CILP2: variants seen among roughly 807,000 people sequenced by gnomAD.
CILP2 encodes the protein CILP-2.
Under a neutral mutation model 45.6 loss-of-function variants are expected in CILP2, and 38 were observed. That is an observed-to-expected ratio of 0.83 (90% CI 0.64 to 1.09). The LOEUF (loss-of-function observed/expected upper bound fraction) is 1.09. CILP2 is among the 50% of genes least tolerant of loss of function. CILP2 has a pLI of 0.00. For missense variants in CILP2, 1,735 were observed against 1,662.2 expected (o/e 1.04, Z -0.76); for synonymous variants, 780 against 723.5 (o/e 1.08, Z -1.25).
In CILP2 at chr19:19,541,146, A is replaced by G. The variant is rs1164612458; in HGVS notation, c.492A>G (p.Pro164=). 7.9e-7 allele frequency: 1 copy of G among 1,260,658 alleles called. No homozygotes were observed. The highest frequency in any genetic ancestry group is 3.0e-5 in the East Asian group (1 of 32,814). The allele number at this position is 1,260,658 out of a possible 1,614,324, so 78.1% of individuals were successfully genotyped here. The change falls in exon 4 of 8, where the codon CCA becomes CCG. Residue 164 remains proline (P), a synonymous_variant. Transcript: ENST00000291495. The stretch of plus-strand genomic sequence containing the variant: ...GTCCCTGCTCGGGGAGCTGTGGGCC[A>G]GGCCGTCGCTTGCGCCGCCGCCACT... The part of the protein sequence containing the change: ...PWGPCSGSCG[P]GRRLRRRHCP...
chr19:19,545,752 A>C lies in CILP2; in HGVS notation c.3207A>C (p.Pro1069=). Residue 1069 remains proline (P), a synonymous_variant, in exon 8 of 8, where the codon CCA becomes CCC. Transcript: ENST00000291495. ...YGVYTVTDQS[P]RLAKEIAIGR... is the part of the protein sequence containing the mutation. ...TCTACACTGTCACTGACCAGAGCCC[A>C]CGCTTGGCCAAGGAGATCGCCATTG... 6.2e-7 allele frequency: 1 copy of C among 1,611,962 alleles called. No homozygotes were observed. The highest frequency in any genetic ancestry group is 8.5e-7 in the Non-Finnish European group (1 of 1,178,954).
At position 19,544,329 on chromosome 19, in the gene CILP2, A is replaced by T; in HGVS notation, c.1784A>T (p.Asp595Val). Residue 595 changes from aspartate to valine, a missense_variant, in exon 8 of 8, where the codon GAC becomes GTC. By Grantham distance (152) the Asp-to-Val change is radical (BLOSUM62 -3). Coordinates refer to ENST00000291495, the MANE Select transcript of CILP2 (RefSeq NM_153221.2). Reference sequence around the variant, plus strand: ...CCTTCTGGCGCTTTCCGCAGAGCCGACGGCAAACCCTACTCGGGGCCTGTG... The same window carrying T: ...CCTTCTGGCGCTTTCCGCAGAGCCGTCGGCAAACCCTACTCGGGGCCTGTG... ...VLPSGAFRRA[D>V]GKPYSGPVEA... is the part of the protein sequence containing the mutation. 1 of 1,612,024 alleles carries T rather than the reference A, an allele frequency of 6.2e-7. No homozygotes were observed. The highest frequency in any genetic ancestry group is 2.2e-5 in the East Asian group (1 of 44,842).
Position 19,542,303 on chromosome 19 carries a change from TTGAA to T in CILP2, c.593-69_593-66del. ...CCAGGCATATTTGTTGAGTGACTGATTGAATGGAAAGCCCTCCTCAGGAGGGAGT... is the reference window on the plus strand; with the variant it reads ...CCAGGCATATTTGTTGAGTGACTGATTGGAAAGCCCTCCTCAGGAGGGAGT... On this transcript the variant is annotated intron_variant, in intron 4 of 7. Coordinates refer to ENST00000291495, the MANE Select transcript of CILP2 (RefSeq NM_153221.2). 3 of 1,517,792 alleles carry T rather than the reference TTGAA, an allele frequency of 2.0e-6. 1 individual carries two copies. In the South Asian group the frequency reaches 3.8e-5, roughly 19 times the overall value. 94.0% of individuals were successfully genotyped at this position (1,517,792 alleles called of 1,614,324 possible).
At position 19,540,704 on chromosome 19, in the gene CILP2, C is replaced by G. The variant is rs952992412; in HGVS notation, c.436+228C>G. 1.7e-5 allele frequency: 9 copies of G among 530,238 alleles called. No homozygotes were observed. In the African/African-American group the frequency reaches 1.8e-4, roughly 11 times the overall value. The allele number at this position is 530,238 out of a possible 1,614,324, so 32.8% of individuals were successfully genotyped here. On this transcript the variant is annotated intron_variant, in intron 3 of 7. Coordinates refer to ENST00000291495, the MANE Select transcript of CILP2 (RefSeq NM_153221.2). ...GGAACAGCGCGGGGCCCAAGTGCAC[C>G]GTCAGGAGGCCCAGCGGGTCAGGAC...
Position 19,543,852 on chromosome 19 carries a change from G to A in CILP2, c.1307G>A (p.Arg436His), listed in dbSNP as rs1377508399. The A allele has an allele frequency of 6.2e-7, 1 of 1,613,860 alleles. No homozygotes were observed. Among genetic ancestry groups the A allele is most frequent in the Non-Finnish European group, 8.5e-7 (1 of 1,179,874 alleles). ...SSPRCGDASSRCCSVRRLERR... is the reference protein window; with the variant it reads ...SSPRCGDASSHCCSVRRLERR... ...CCCCGCTGCGGGGACGCCAGCTCCC[G>A]CTGCTGCTCTGTGCGCCGTCTGGAG... The change falls in exon 8 of 8, where the codon CGC (arginine) becomes CAC (histidine). Residue 436 changes from arginine (R) to histidine (H), a missense_variant. Physicochemically the swap from Arg to His is conservative, Grantham distance 29. Coordinates refer to ENST00000291495, the MANE Select transcript of CILP2 (RefSeq NM_153221.2).
chr19:19,545,974 C>T lies in CILP2; in HGVS notation c.3429C>T (p.Ala1143=). Residue 1143 remains alanine, a synonymous_variant, in exon 8 of 8, where the codon GCC becomes GCT. Transcript: ENST00000291495. ...MSEAAQAQAR[A]SGPLRTRRGR... Reference sequence around the variant, plus strand: ...AGGCGGCGCAGGCACAGGCCCGGGCCTCAGGTCCCCTCCGCACCCGCCGGG... The same window carrying T: ...AGGCGGCGCAGGCACAGGCCCGGGCTTCAGGTCCCCTCCGCACCCGCCGGG... 3.3e-6 allele frequency: 5 copies of T among 1,526,746 alleles called. No homozygotes were observed. The highest frequency in any genetic ancestry group is 4.4e-6 in the Non-Finnish European group (5 of 1,135,160). The allele number at this position is 1,526,746 out of a possible 1,614,324, so 94.6% of individuals were successfully genotyped here.
chr19:19,544,911 A>T lies in CILP2; in HGVS notation c.2366A>T (p.Asn789Ile), dbSNP rs369553520. The T allele has an allele frequency of 5.7e-6, 9 of 1,589,604 alleles. No individual in the cohort carries two copies. The highest frequency in any genetic ancestry group is 7.7e-6 in the Non-Finnish European group (9 of 1,175,614). Residue 789 changes from asparagine to isoleucine, a missense_variant, in exon 8 of 8, where the codon AAT becomes ATT. Transcript: ENST00000291495. ...GRFDSAVTGPNGACLPAFCDA... is the reference protein window; with the variant it reads ...GRFDSAVTGPIGACLPAFCDA... ...TTTGACAGCGCGGTCACCGGCCCCAATGGCGCCTGCCTCCCCGCCTTCTGC... is the reference window on the plus strand; with the variant it reads ...TTTGACAGCGCGGTCACCGGCCCCATTGGCGCCTGCCTCCCCGCCTTCTGC...
intron 2 of CILP2, 115 bp downstream of exon 2, chr19:19,539,892 T>C: frequency 2.3e-6 from 2 of 854,656 alleles, no homozygotes; most frequent in Non-Finnish European, 3.4e-6. Flanking sequence ...CCCGGCGCCG[T>C]CCTGGTCCCC....
chr19:19,540,151 G>A (rs2061238100), intron 2 of CILP2, 53 bp from the exon 3 acceptor site: 1 of 1,485,104 alleles, frequency 6.7e-7, no homozygotes. Flanking sequence ...TTGCACGCAT[G>A]CATGGGGGCC....
chr19:19,544,770 G>A lies in CILP2; in HGVS notation c.2225G>A (p.Arg742His), dbSNP rs774681895. ...PERRRCFVKVRAYANDKFTPS... is the reference protein window; with the variant it reads ...PERRRCFVKVHAYANDKFTPS... ...CGCCGCCGCTGCTTCGTGAAGGTGC[G>A]CGCCTACGCCAACGACAAGTTCACC... Residue 742 changes from arginine (R) to histidine (H), a missense_variant, in exon 8 of 8, where the codon CGC becomes CAC. By Grantham distance (29) the Arg-to-His change is conservative. Transcript: ENST00000291495. 2.5e-6 allele frequency: 4 copies of A among 1,606,934 alleles called. No homozygotes were observed. Among genetic ancestry groups the A allele is most frequent in the East Asian group, 2.2e-5 (1 of 44,870 alleles).
At chr19:19,540,784 T>G in intron 3 of CILP2, 1 of 449,768 alleles carries the variant, frequency 2.2e-6, no homozygotes, top group South Asian at 5.6e-5. Context: ...TTTGAGCATC[T>G]GTAAGAGCTC....
Position 19,543,959 on chromosome 19 carries a change from CG to C in CILP2, c.1419del (p.Leu474TrpfsTer49). On this transcript the variant is annotated frameshift_variant, in exon 8 of 8. Transcript: ENST00000291495. LOFTEE classifies it low-confidence loss of function (END_TRUNC). ...ECGCQKCLPP[R>X]GLVRGRVVAA... ...TGGCTGCCAGAAGTGTCTGCCCCCT[CG>C]GGGGCTGGTCCGGGGCCGTGTTGTG... is the stretch of plus-strand genomic sequence containing the variant. The C allele has an allele frequency of 6.2e-7, 1 of 1,613,388 alleles. No homozygotes were observed. The highest frequency in any genetic ancestry group is 8.5e-7 in the Non-Finnish European group (1 of 1,179,674).
intron 3 of CILP2, 117 bp downstream of exon 3, chr19:19,540,593 G>A (rs1042718192): frequency 1.7e-6 from 2 of 1,174,414 alleles, no homozygotes; most frequent in Non-Finnish European, 2.2e-6. Context: ...TGTGGGCGTG[G>A]CTGGGAAGAG....
Position 19,542,616 on chromosome 19 carries a change from C to T in CILP2, c.834C>T (p.Ser278=). ...AGGCCCAGGCCCAGGCCAACGGATC[C>T]ATCTCTGTGGTCACCATCATCCTTG... ...AGEAQAQANG[S]ISVVTIILDK... The change falls in exon 5 of 8, where the codon TCC becomes TCT. Residue 278 remains serine (S), a synonymous_variant. Coordinates refer to ENST00000291495, the MANE Select transcript of CILP2 (RefSeq NM_153221.2). The T allele has an allele frequency of 6.2e-7, 1 of 1,614,152 alleles. No individual in the cohort carries two copies.
intron 3 of CILP2, 197 bp downstream of exon 3, chr19:19,540,673 G>A (rs969721655): frequency 4.5e-6 from 3 of 664,348 alleles, no homozygotes; most frequent in South Asian, 2.8e-5. Flanking sequence ...TTGAAGAGAG[G>A]CGCTGGGAAC....
intron 3 of CILP2, chr19:19,540,699 T>A (rs1026215200): frequency 1.5e-5 from 8 of 547,472 alleles, no homozygotes; most frequent in African/African-American, 1.4e-4. Context: ...GGGGCCCAAG[T>A]GCACCGTCAG....
chr19:19,544,691 G>A lies in CILP2; in HGVS notation c.2146G>A (p.Val716Met), dbSNP rs766456812. ...GCGCCGGGAGGAGCGCGTCTTCCTG[G>A]TGGGCAACGTGGAGATCCGGGAGCG... ...RVRREERVFL[V>M]GNVEIRERRL... Residue 716 changes from valine to methionine, a missense_variant, in exon 8 of 8, where the codon GTG becomes ATG. Physicochemically the swap from Val to Met is conservative, Grantham distance 21 (BLOSUM62 1). Transcript: ENST00000291495. 1.9e-6 allele frequency: 3 copies of A among 1,581,350 alleles called. No individual in the cohort carries two copies. Among genetic ancestry groups the A allele is most frequent in the South Asian group, 2.3e-5 (2 of 88,212 alleles).
Position 19,543,742 on chromosome 19 carries a change from CT to C in CILP2, c.1198del (p.Cys400ValfsTer58), listed in dbSNP as rs1317340562. ...AGTACCTGATCAAGCTCCCTGAGGA[CT>C]GTGGTCAGCCAGGTAGTGGCCCTGC... ...REYLIKLPED[C>X]GQPGSGPAYL... On this transcript the variant is annotated frameshift_variant, in exon 8 of 8. Coordinates refer to ENST00000291495, the MANE Select transcript of CILP2 (RefSeq NM_153221.2). LOFTEE classifies it low-confidence loss of function (END_TRUNC). 6.2e-7 allele frequency: 1 copy of C among 1,613,186 alleles called. No homozygotes were observed. Among genetic ancestry groups the C allele is most frequent in the South Asian group, 1.1e-5 (1 of 90,988 alleles).
intron 1 of CILP2, 50 bp from the exon 2 acceptor site, chr19:19,539,629 G>A (rs778168041): frequency 2.0e-5 from 27 of 1,350,754 alleles, no homozygotes; most frequent in Middle Eastern, 2.0e-4. Context: ...GGCTCCCAGC[G>A]GTCCCCATCA....
Sources: allele counts gnomAD v4.1 joint callset, GRCh38; gene constraint gnomAD v4.1.1; transcripts MANE v1.5; gene names NCBI Gene and HGNC (gene_info 2026-07-23, HGNC 2026-07-21).